VWA8: variants seen among roughly 807,000 people sequenced by gnomAD.
VWA8 encodes von Willebrand factor A domain containing 8, also known as von Willebrand factor A domain-containing protein 8.
VWA8 carries 221 observed loss-of-function variants against 241.5 expected under a neutral mutation model. The ratio of observed to expected loss-of-function variants is 0.91; its 90% CI spans 0.82 to 1.02. The LOEUF is 1.02. VWA8 is among the 50% of genes least tolerant of loss of function. The pLI is 0.00. For synonymous variants in VWA8, 852 were observed against 827.1 expected (o/e 1.03, Z -0.52); for missense variants, 2,322 against 2,328.7 (o/e 1.00, Z 0.06).
At chr13:41,889,166 T>G (rs1419804905) in intron 5 of VWA8, among the ~76,000 whole-genome samples, 23 of 152,228 alleles carry the variant, frequency 1.5e-4, no homozygotes, top group Admixed American at 1.5e-3. Context: ...AGTTATGGTG[T>G]TAGAATCTTT....
chr13:41,705,747 T>C (rs1250449870), intron 26 of VWA8, among the ~76,000 whole-genome samples: 2 of 152,204 alleles, frequency 1.3e-5, no homozygotes, highest in African/African-American at 4.8e-5. Flanking sequence ...GTAAAGTTCC[T>C]TACAGCTTGG....
At chr13:41,617,420 C>T (rs1049887021) in intron 37 of VWA8, among the ~76,000 whole-genome samples, 11 of 152,102 alleles carry the variant, frequency 7.2e-5, no homozygotes, top group African/African-American at 2.2e-4. Context: ...TGCCAAGATA[C>T]ATTTTTTTTT....
intron 21 of VWA8, among the ~76,000 whole-genome samples, chr13:41,746,464 C>T (rs1195466662): frequency 6.6e-6 from 1 of 152,118 alleles, no homozygotes; most frequent in Non-Finnish European, 1.5e-5. Context: ...AATCCATAAC[C>T]CACAAATTAG....
intron 13 of VWA8, among the ~76,000 whole-genome samples, chr13:41,831,685 T>C: frequency 6.8e-6 from 1 of 146,306 alleles, no homozygotes; most frequent in African/African-American, 2.6e-5. Flanking sequence ...AGTGGCGCGA[T>C]CTAGGCTCAC....
intron 8 of VWA8, 113 bp from the exon 9 acceptor site, chr13:41,883,604 C>A: frequency 1.4e-6 from 1 of 691,350 alleles, no homozygotes. Flanking sequence ...CAATAGGTGT[C>A]TGGTATTTTC....
At chr13:41,819,499 T>C in intron 14 of VWA8, 113 bp from the exon 15 acceptor site, 1 of 1,115,162 alleles carries the variant, frequency 9.0e-7, no homozygotes, top group South Asian at 1.6e-5. Context: ...ATAATGTCAA[T>C]GTTATCATCC....
chr13:41,770,397 CGCCACTGCACTACA>C (rs930703971), intron 20 of VWA8, among the ~76,000 whole-genome samples: 4 of 149,220 alleles, frequency 2.7e-5, no homozygotes, highest in Non-Finnish European at 4.4e-5. Flanking sequence ...GCCGAGATCG[CGCCACTGCACTACA>C]GCCTGGGCGA....
intron 4 of VWA8, among the ~76,000 whole-genome samples, chr13:41,903,470 G>A (rs573320665): frequency 6.6e-6 from 1 of 152,272 alleles, no homozygotes; most frequent in Admixed American, 6.5e-5. Flanking sequence ...AGTGCTAAGT[G>A]CTCTGGAGAT....
intron 14 of VWA8, among the ~76,000 whole-genome samples, chr13:41,829,803 C>T (rs890170908): frequency 6.6e-6 from 1 of 151,802 alleles, no homozygotes; most frequent in African/African-American, 2.4e-5. Context: ...TTGTGGGGGG[C>T]GGTGAGGGAT....
At position 41,768,900 on chromosome 13, in the gene VWA8, T is replaced by A. The variant is rs965413892; in HGVS notation, c.2350-7696A>T. On this transcript the variant is annotated intron_variant, in intron 20 of 44. Transcript: ENST00000379310. Reference sequence around the variant, plus strand: ...CTAGAATAAATCAACTATAAAACAATGCCTTTTTTTTTTTTTTTTTTGAGA... The same window carrying A: ...CTAGAATAAATCAACTATAAAACAAAGCCTTTTTTTTTTTTTTTTTTGAGA... Among the ~76,000 whole-genome samples, 83 of 138,020 alleles carry A rather than the reference T, an allele frequency of 6.0e-4. 1 individual carries two copies. The highest frequency in any genetic ancestry group is 2.1e-3 in the South Asian group (9 of 4,214). The allele number at this position is 138,020 out of a possible 152,430, so 90.5% of individuals were successfully genotyped here. A position where few individuals can be genotyped will look rare whatever the true frequency, so the allele number is the denominator to read the frequency against.
intron 20 of VWA8, among the ~76,000 whole-genome samples, chr13:41,773,147 T>C (rs1868408640): frequency 6.6e-6 from 1 of 152,232 alleles, no homozygotes; most frequent in African/African-American, 2.4e-5. Context: ...AAATAAGTTA[T>C]GTGATTAAAA....
chr13:41,732,210 T>C (rs938457136), intron 21 of VWA8, 55 bp from the exon 22 acceptor site: 4 of 1,534,494 alleles, frequency 2.6e-6, no homozygotes, highest in African/African-American at 2.7e-5. Flanking sequence ...TGATGATTGA[T>C]CATGATAAAA....
rs757392433 is a variant in VWA8, at chr13:41,590,737, C to T, written c.5015G>A (p.Arg1672Lys). The change falls in exon 41 of 45, where the codon AGA (arginine) becomes AAA (lysine). Residue 1672 changes from arginine to lysine, a missense_variant. Physicochemically the swap from Arg to Lys is conservative, Grantham distance 26 (BLOSUM62 2). Coordinates refer to ENST00000379310, the MANE Select transcript of VWA8 (RefSeq NM_015058.2). ...QAKGKERQWL[R>K]HQATGELDDA... Reference sequence around the variant, plus strand: ...ATCTAATTCTCCAGTAGCTTGATGTCTTAGCCATTGTCTTTCTTTACCTTT... The same window carrying T: ...ATCTAATTCTCCAGTAGCTTGATGTTTTAGCCATTGTCTTTCTTTACCTTT... 1 of 1,614,070 alleles carries T rather than the reference C, an allele frequency of 6.2e-7. No individual in the cohort carries two copies. Among genetic ancestry groups the T allele is most frequent in the Non-Finnish European group, 8.5e-7 (1 of 1,180,000 alleles).
At chr13:41,676,758 A>G (rs1344517512) in intron 35 of VWA8, among the ~76,000 whole-genome samples, 1 of 151,956 alleles carries the variant, frequency 6.6e-6, no homozygotes, top group Non-Finnish European at 1.5e-5. Flanking sequence ...TCAGCCTCCC[A>G]AGTAGCTGGG....
chr13:41,838,962 C>G (rs906066374), intron 12 of VWA8, among the ~76,000 whole-genome samples: 2 of 152,000 alleles, frequency 1.3e-5, no homozygotes, highest in East Asian at 3.9e-4. Context: ...AATATATGTG[C>G]GCATGTGTCT....
chr13:41,825,843 T>G (rs1308003164), intron 14 of VWA8, among the ~76,000 whole-genome samples: 5 of 152,206 alleles, frequency 3.3e-5, no homozygotes, highest in Admixed American at 1.3e-4. Context: ...CCAAAAGTGA[T>G]GTATTAGCTA....
chr13:41,954,271 C>T (rs1459607643), intron 1 of VWA8, among the ~76,000 whole-genome samples: 1 of 151,972 alleles, frequency 6.6e-6, no homozygotes, highest in African/African-American at 2.4e-5. Context: ...GATCTCTCTC[C>T]TGAGTTTCAT....
At chr13:41,688,132 T>C (rs1297386275) in intron 34 of VWA8, among the ~76,000 whole-genome samples, 1 of 152,102 alleles carries the variant, frequency 6.6e-6, no homozygotes, top group African/African-American at 2.4e-5. Context: ...AACGTTTCAT[T>C]TTGAATTACA....
intron 40 of VWA8, among the ~76,000 whole-genome samples, chr13:41,603,653 G>C (rs1196988476): frequency 6.6e-6 from 1 of 152,070 alleles, no homozygotes; most frequent in African/African-American, 2.4e-5. Context: ...TCAGGATCTG[G>C]TGCCTACGAC....
Sources: allele counts gnomAD v4.1 joint callset (sites outside exome capture counted in the v4.1 genomes callset), GRCh38; gene constraint gnomAD v4.1.1; transcripts MANE v1.5; gene names NCBI Gene and HGNC (gene_info 2026-07-23, HGNC 2026-07-21).